Variants in VWF observed in about 807,000 individuals in gnomAD.
VWF encodes the protein von Willebrand factor, also known as Factor VIII related antigen.
VWF carries 176 observed loss-of-function variants against 308.6 expected under a neutral mutation model. The ratio of observed to expected loss-of-function variants is 0.57; its 90% confidence interval spans 0.50 to 0.65. VWF has a LOEUF of 0.65. Among genes scored for constraint, VWF ranks in the 30% least tolerant of loss-of-function variants. The pLI is 0.00. For synonymous variants in VWF, 1,385 were observed against 1,443.4 expected (o/e 0.96, Z 0.92); for missense variants, 3,146 against 3,648.2 (o/e 0.86, Z 3.55).
Position 5,969,956 on chromosome 12 carries a change from GA to G in VWF, c.7549-566del, listed in dbSNP as rs1420398381. Among the ~76,000 whole-genome samples, 4 of 152,284 alleles carry G rather than the reference GA, an allele frequency of 2.6e-5. No individual in the cohort carries two copies. In the East Asian group the frequency reaches 7.7e-4, roughly 29 times the overall value. On this transcript the variant is annotated intron_variant, in intron 44 of 51. Transcript: ENST00000261405. ...AAAGTCACCAGGAGGATCTTCCCCAGAAAATGTCACTCCGAGTGCCCTCTGT... is the reference window on the plus strand; with the variant it reads ...AAAGTCACCAGGAGGATCTTCCCCAGAAATGTCACTCCGAGTGCCCTCTGT...
intron 15 of VWF, among the ~76,000 whole-genome samples, chr12:6,055,894 C>T (rs901467201): frequency 2.6e-5 from 4 of 151,730 alleles, no homozygotes; most frequent in African/African-American, 9.7e-5. Context: ...CTTGCCTCAA[C>T]CTCCCAAGTA....
intron 31 of VWF, among the ~76,000 whole-genome samples, chr12:6,014,351 T>C (rs1201634194): frequency 6.6e-6 from 1 of 152,168 alleles, no homozygotes; most frequent in East Asian, 1.9e-4. Flanking sequence ...AAAGGGCCAC[T>C]GCAGCTGCTG....
At chr12:5,981,206 C>T (rs1324371557) in intron 42 of VWF, among the ~76,000 whole-genome samples, 1 of 151,984 alleles carries the variant, frequency 6.6e-6, no homozygotes, top group Non-Finnish European at 1.5e-5. Context: ...GATGGATAAA[C>T]TGACAGCAAT....
chr12:6,121,487 C>CAACAGCTTTAG, intron 2 of VWF, 149 bp from the exon 3 acceptor site: 1 of 975,102 alleles, frequency 1.0e-6, no homozygotes, highest in Non-Finnish European at 1.6e-6. Flanking sequence ...GAGACTAAAG[C>CAACAGCTTTAG]TGTTGCTTTC....
chr12:6,025,511 C>A, intron 24 of VWF, 69 bp downstream of exon 24: 1 of 1,270,852 alleles, frequency 7.9e-7, no homozygotes, highest in South Asian at 1.2e-5. Context: ...TAGAAGGTCA[C>A]ACTCTGTGTC....
intron 17 of VWF, among the ~76,000 whole-genome samples, chr12:6,045,797 T>C (rs1565842283): frequency 6.6e-6 from 1 of 152,208 alleles, no homozygotes; most frequent in African/African-American, 2.4e-5. Flanking sequence ...TTTATCTCTC[T>C]CCCACTGGAA....
At chr12:5,966,800 A>G (rs1430867024) in intron 47 of VWF, among the ~76,000 whole-genome samples, 3 of 152,234 alleles carry the variant, frequency 2.0e-5, no homozygotes, top group Non-Finnish European at 2.9e-5. Flanking sequence ...CACATCCAGA[A>G]GGGAGCTTGA....
At position 6,075,149 on chromosome 12, in the gene VWF, C is replaced by T. The variant is rs1431830906; in HGVS notation, c.874+186G>A. On this transcript the variant is annotated intron_variant, in intron 7 of 51. Transcript: ENST00000261405. This position sits in a 1 kb window ranked among gnomAD's most constrained non-coding sequence, Gnocchi z 4.7. ...GGGCAGGACACGGGGCTTTGGGAAG[C>T]CCGTTTGACAGAGGGCAGGAGCCAT... 1.3e-5 allele frequency among the ~76,000 whole-genome samples: 2 copies of T among 152,028 alleles called. No homozygotes were observed. The highest frequency in any genetic ancestry group is 2.9e-5 in the Non-Finnish European group (2 of 68,014).
intron 5 of VWF, among the ~76,000 whole-genome samples, chr12:6,096,537 C>T (rs1219462690): frequency 1.3e-5 from 2 of 152,206 alleles, no homozygotes; most frequent in East Asian, 3.8e-4. Context: ...AGGGTATGGG[C>T]TGTGTCTCTT....
At chr12:6,110,637 C>T (rs923477539) in intron 4 of VWF, 55 bp from the exon 5 acceptor site, 5 of 1,575,502 alleles carry the variant, frequency 3.2e-6, no homozygotes, top group Non-Finnish European at 3.5e-6. Flanking sequence ...TTCTGGATGT[C>T]TCTCCCACCT....
chr12:5,949,427 C>A (rs1943153540), intron 51 of VWF, among the ~76,000 whole-genome samples: 1 of 152,144 alleles, frequency 6.6e-6, no homozygotes, highest in African/African-American at 2.4e-5. Flanking sequence ...CCTCTAGCTG[C>A]AATTTTTATG....
chr12:6,117,381 T>A (rs12307072), intron 3 of VWF, among the ~76,000 whole-genome samples: 93,758 of 151,798 alleles, frequency 0.62, 29,222 homozygotes, highest in African/African-American at 0.67. Flanking sequence ...TGAGGGGGAG[T>A]TGAAACTCAA....
chr12:5,985,917 T>C (rs1943675595), intron 38 of VWF, among the ~76,000 whole-genome samples: 1 of 152,192 alleles, frequency 6.6e-6, no homozygotes, highest in Non-Finnish European at 1.5e-5. Context: ...CTGTTGGCAG[T>C]GCTAAAACCA....
At chr12:6,115,504 A>T (rs747881147) in intron 3 of VWF, among the ~76,000 whole-genome samples, 3 of 152,068 alleles carry the variant, frequency 2.0e-5, no homozygotes, top group Non-Finnish European at 2.9e-5. Context: ...TTCATATCAT[A>T]TTTACCCTTG....
At chr12:5,964,592 T>C (rs571961771) in intron 47 of VWF, among the ~76,000 whole-genome samples, 10 of 152,318 alleles carry the variant, frequency 6.6e-5, no homozygotes, top group African/African-American at 1.7e-4. Context: ...CCAAGTCAAT[T>C]TGGAGCACCC....
chr12:5,984,948 T>C (rs1943660735), intron 40 of VWF, 97 bp downstream of exon 40: 2 of 1,327,892 alleles, frequency 1.5e-6, no homozygotes, highest in Admixed American at 1.7e-5. Flanking sequence ...TCACACACCC[T>C]GTGCCTGAGA....
chr12:6,017,021 C>G (rs930426989), intron 28 of VWF, 151 bp from the exon 29 acceptor site: 1 of 800,964 alleles, frequency 1.2e-6, no homozygotes, highest in African/African-American at 1.7e-5. Flanking sequence ...AGTACAAGGG[C>G]AATGTGGGCC....
At chr12:6,041,875 G>T (rs1168268843) in intron 18 of VWF, among the ~76,000 whole-genome samples, 2 of 152,208 alleles carry the variant, frequency 1.3e-5, no homozygotes, top group East Asian at 1.9e-4. Flanking sequence ...CTAAGAAAAA[G>T]CATCCTTTAC....
At chr12:5,958,452 C>T (rs1943274423) in intron 47 of VWF, among the ~76,000 whole-genome samples, 1 of 152,170 alleles carries the variant, frequency 6.6e-6, no homozygotes, top group African/African-American at 2.4e-5. Context: ...CTTTGGGAAG[C>T]CCAGATAGGA....
Sources: gnomAD v4.1 joint callset for allele counts (sites outside exome capture counted in the v4.1 genomes callset) on GRCh38, gnomAD v4.1.1 for gene constraint, Gnocchi (gnomAD v3.1) non-coding constraint, MANE v1.5 for transcripts, NCBI Gene and HGNC (gene_info 2026-07-23, HGNC 2026-07-21) for gene names.